Variants in RBFOX1 observed in about 807,000 individuals in gnomAD.
The protein encoded by RBFOX1 is RNA binding protein fox-1 homolog 1.
Under a neutral mutation model 57.7 loss-of-function variants are expected in RBFOX1, and 8 were observed. That is an observed-to-expected ratio of 0.14 (90% CI 0.08 to 0.25). The LOEUF is 0.25. Ranked by LOEUF, RBFOX1 falls within the 10% of genes least tolerant of loss-of-function variation. RBFOX1 has a pLI of 1.00. For synonymous variants in RBFOX1, 326 were observed against 222.4 expected, an observed-to-expected ratio of 1.47 and a Z score of -4.15; for missense variants, 611 against 548.5, an observed-to-expected ratio of 1.11 and a Z score of -1.14.
At chr16:6,107,791 G>A (rs1358599784) in intron 1 of RBFOX1, among the ~76,000 whole-genome samples, 2 of 151,922 alleles carry the variant, frequency 1.3e-5, no homozygotes, top group African/African-American at 4.8e-5. Context: ...ATGGGTGGAT[G>A]AATAGCAATT....
intron 4 of RBFOX1, among the ~76,000 whole-genome samples, chr16:7,393,739 G>C (rs570028021): frequency 4.9e-4 from 74 of 152,238 alleles, no homozygotes; most frequent in Non-Finnish European, 2.1e-4. Context: ...TTGGCCACAA[G>C]GTGTCCCCCA....
chr16:6,600,530 A>G (rs7204682), intron 2 of RBFOX1, among the ~76,000 whole-genome samples: 132,542 of 152,234 alleles, frequency 0.87, 60,334 homozygotes, highest in South Asian at 1. Context: ...TGCTCTGGCC[A>G]GAGACGAACG....
At chr16:6,733,619 G>A (rs1432083521) in intron 3 of RBFOX1, among the ~76,000 whole-genome samples, 1 of 152,148 alleles carries the variant, frequency 6.6e-6, no homozygotes, top group Non-Finnish European at 1.5e-5. Flanking sequence ...GTAGCCAGGG[G>A]TGGTGGTGTG....
At chr16:7,383,788 G>A (rs912829236) in intron 4 of RBFOX1, among the ~76,000 whole-genome samples, 1 of 152,112 alleles carries the variant, frequency 6.6e-6, no homozygotes, top group Non-Finnish European at 1.5e-5. Context: ...CTGGCGAGGT[G>A]GCTCAAGCCT....
intron 8 of RBFOX1, among the ~76,000 whole-genome samples, chr16:7,596,547 C>T (rs2094710437): frequency 6.6e-6 from 1 of 152,012 alleles, no homozygotes; most frequent in Non-Finnish European, 1.5e-5. Flanking sequence ...TGAAGTCCAT[C>T]TGCCGTTTCA....
intron 4 of RBFOX1, among the ~76,000 whole-genome samples, chr16:6,003,409 C>T (rs147012767): frequency 1.2e-3 from 190 of 152,222 alleles, no homozygotes; most frequent in African/African-American, 4.4e-3. Flanking sequence ...CCTCTCAATG[C>T]ACCTGCTCCA....
chr16:5,745,215 A>G (rs1597074359), intron 3 of RBFOX1, among the ~76,000 whole-genome samples: 1 of 152,104 alleles, frequency 6.6e-6, no homozygotes, highest in Non-Finnish European at 1.5e-5. Context: ...CCTTTGCGAT[A>G]GTTTGCTGAG....
At chr16:7,522,221 G>T (rs756940432) in intron 5 of RBFOX1, among the ~76,000 whole-genome samples, 1 of 152,184 alleles carries the variant, frequency 6.6e-6, no homozygotes, top group Non-Finnish European at 1.5e-5. Context: ...AAGGTAGCAT[G>T]GTGAACCTTT....
chr16:7,515,702 G>A (rs778507510), intron 4 of RBFOX1, among the ~76,000 whole-genome samples: 2 of 152,150 alleles, frequency 1.3e-5, no homozygotes, highest in African/African-American at 2.4e-5. Context: ...TGCTGACTGC[G>A]GGTAAAGCTG....
intron 1 of RBFOX1, among the ~76,000 whole-genome samples, chr16:5,271,116 G>A (rs2062994236): frequency 6.6e-6 from 1 of 152,212 alleles, no homozygotes; most frequent in African/African-American, 2.4e-5. Context: ...CTGGGAGACA[G>A]AGGTTGCAGT....
chr16:6,781,950 C>G (rs892245064), intron 3 of RBFOX1, among the ~76,000 whole-genome samples: 2 of 152,000 alleles, frequency 1.3e-5, no homozygotes, highest in African/African-American at 2.4e-5. Context: ...TGGGTTTAGC[C>G]TGCTCTTACT....
At chr16:7,026,016 C>A (rs1486162463) in intron 3 of RBFOX1, among the ~76,000 whole-genome samples, 1 of 151,980 alleles carries the variant, frequency 6.6e-6, no homozygotes, top group Admixed American at 6.5e-5. Context: ...GGGATCAGAC[C>A]CCAGACCAAG....
intron 5 of RBFOX1, among the ~76,000 whole-genome samples, chr16:7,569,789 G>A (rs150546426): frequency 2.4e-3 from 358 of 152,286 alleles, no homozygotes; most frequent in African/African-American, 8.3e-3. Flanking sequence ...GATATCTTGA[G>A]CCTAGGAAGT....
intron 2 of RBFOX1, among the ~76,000 whole-genome samples, chr16:6,398,966 A>G (rs781422353): frequency 2.0e-5 from 3 of 152,164 alleles, no homozygotes; most frequent in Non-Finnish European, 4.4e-5. Context: ...CCAGTAGCAG[A>G]CTTTTGCCCG....
intron 1 of RBFOX1, among the ~76,000 whole-genome samples, chr16:6,141,153 T>A (rs1487820835): frequency 6.6e-6 from 1 of 152,148 alleles, no homozygotes; most frequent in African/African-American, 2.4e-5. Flanking sequence ...TCCTTTGTCT[T>A]TTTGCATTTC....
chr16:5,787,900 G>A (rs1392590924), intron 3 of RBFOX1, among the ~76,000 whole-genome samples: 1 of 152,256 alleles, frequency 6.6e-6, no homozygotes, highest in African/African-American at 2.4e-5. Context: ...TAGATGTTAT[G>A]TGGCAGGTCA....
intron 4 of RBFOX1, among the ~76,000 whole-genome samples, chr16:5,948,021 A>G (rs2152273085): frequency 6.6e-6 from 1 of 152,214 alleles, no homozygotes; most frequent in East Asian, 1.9e-4. Flanking sequence ...CATGGCAGGA[A>G]CTCTTCAGCA....
At chr16:6,450,790 C>CATAT (rs1202007078) in intron 2 of RBFOX1, among the ~76,000 whole-genome samples, 1 of 35,146 alleles carries the variant, frequency 2.8e-5, no homozygotes, top group Non-Finnish European at 4.9e-5. Context: ...TATATATATA[C>CATAT]ATATATATAT....
chr16:7,112,262 G>C (rs904888377), intron 4 of RBFOX1, among the ~76,000 whole-genome samples: 1 of 152,090 alleles, frequency 6.6e-6, no homozygotes, highest in African/African-American at 2.4e-5. Context: ...GAGTGCAGTG[G>C]TGCAATCTCG....
Sources: allele counts gnomAD v4.1 joint callset (sites outside exome capture counted in the v4.1 genomes callset), GRCh38; gene constraint gnomAD v4.1.1; transcripts MANE v1.5; gene names NCBI Gene and HGNC (gene_info 2026-07-23, HGNC 2026-07-21).